Variants in MIER2 observed in about 807,000 individuals in gnomAD.
MIER2 encodes the protein mesoderm induction early response protein 2.
In MIER2, 30 loss-of-function variants were observed where a neutral mutation model predicts 67.6. The ratio of observed to expected loss-of-function variants is 0.44; its 90% confidence interval spans 0.33 to 0.60. The LOEUF (loss-of-function observed/expected upper bound fraction) is 0.60. MIER2 is among the 20% of genes least tolerant of loss of function. The probability of loss-of-function intolerance (pLI) is 0.02; values close to 1 mark genes in which losing one functional copy is unlikely to be tolerated. For synonymous variants in MIER2, 372 were observed against 312.6 expected, an observed-to-expected ratio of 1.19 and a Z score of -2.00; for missense variants, 702 against 745.1, an observed-to-expected ratio of 0.94 and a Z score of 0.67.
At position 307,108 on chromosome 19, in the gene MIER2, G is replaced by C; in HGVS notation, c.1616+11C>G. On this transcript the variant is annotated intron_variant, in intron 13 of 13. Transcript: ENST00000264819. The stretch of plus-strand genomic sequence containing the variant: ...GTGTTGCGGAGGCTCCGGGCATGGG[G>C]TGGCACTCACTGTGACAGGGGCTCC... 1 of 1,575,190 alleles carries C rather than the reference G, an allele frequency of 6.3e-7. No homozygotes were observed. Among genetic ancestry groups the C allele is most frequent in the East Asian group, 2.3e-5 (1 of 43,182 alleles).
At chr19:323,105 G>C (rs577634490) in intron 7 of MIER2, among the ~76,000 whole-genome samples, 3 of 147,894 alleles carry the variant, frequency 2.0e-5, no homozygotes, top group Admixed American at 6.8e-5. Context: ...CCACGCAGAC[G>C]ACTCGAATGA....
rs781528564 is a variant in MIER2 at position 308,588 on chromosome 19, C to A, written c.1187G>T (p.Gly396Val). The A allele has an allele frequency of 2.5e-6, 4 of 1,604,312 alleles. No individual in the cohort carries two copies. In the African/African-American group the frequency reaches 5.3e-5, roughly 21 times the overall value. The change falls in exon 12 of 14, where the codon GGG (glycine) becomes GTG (valine). Residue 396 changes from glycine to valine, a missense_variant. Gly to Val is a moderately radical substitution (Grantham distance 109). Coordinates refer to ENST00000264819, the MANE Select transcript of MIER2 (RefSeq NM_017550.3). This position sits in a 1 kb window ranked among gnomAD's most constrained non-coding sequence, Gnocchi z 9.1. ...TCCCCAAGCCTCACCTGTGCGCATCCCAGTCAGGGTGTCTTGCTCCGGGCG... is the reference window on the plus strand; with the variant it reads ...TCCCCAAGCCTCACCTGTGCGCATCACAGTCAGGGTGTCTTGCTCCGGGCG... ...RPRPEQDTLT[G>V]MRTDPLSVDG...
At chr19:309,420 C>T (rs745776691) in intron 10 of MIER2, among the ~76,000 whole-genome samples, 40 of 152,240 alleles carry the variant, frequency 2.6e-4, no homozygotes, top group Middle Eastern at 3.4e-3. Context: ...GCTTTCCCAC[C>T]GAACACATCC....
rs112462767 is a variant in MIER2, at chr19:307,312, C to A, written c.1423G>T (p.Ala475Ser). 4 of 1,600,192 alleles carry A rather than the reference C, an allele frequency of 2.5e-6. No homozygotes were observed. The highest frequency in any genetic ancestry group is 3.4e-6 in the Non-Finnish European group (4 of 1,174,158). ...DASPRLAVDFALPKELPLISS... is the reference protein window; with the variant it reads ...DASPRLAVDFSLPKELPLISS... The stretch of plus-strand genomic sequence containing the variant: ...ATGAGGGGCAGCTCCTTGGGCAGGG[C>A]GAAGTCCACGGCCAGCCTTGGGCTG... Residue 475 changes from alanine to serine, a missense_variant, in exon 13 of 14, where the codon GCC becomes TCC. By Grantham distance (99) the Ala-to-Ser change is moderately conservative. Transcript: ENST00000264819.
intron 7 of MIER2, among the ~76,000 whole-genome samples, chr19:315,251 GC>G (rs1568220854): frequency 6.6e-6 from 1 of 152,014 alleles, no homozygotes; most frequent in Non-Finnish European, 1.5e-5. Flanking sequence ...TGTAATCTCC[GC>G]TACTCGGGAG....
chr19:326,292 G>T (rs751633994), intron 6 of MIER2, among the ~76,000 whole-genome samples: 1 of 150,260 alleles, frequency 6.7e-6, no homozygotes, highest in African/African-American at 2.5e-5. Flanking sequence ...ACCACAGTCC[G>T]GATGCCAGGT....
intron 7 of MIER2, among the ~76,000 whole-genome samples, chr19:322,548 G>C (rs1200005221): frequency 1.3e-5 from 2 of 152,108 alleles, no homozygotes; most frequent in East Asian, 1.9e-4. Flanking sequence ...AGCACGCAAA[G>C]AGAGAATATC....
chr19:307,063 G>C, intron 13 of MIER2, 56 bp downstream of exon 13: 1 of 1,515,214 alleles, frequency 6.6e-7, no homozygotes. Flanking sequence ...CAGCCTGAGG[G>C]CTGGGGGGAC....
At chr19:326,071 G>T (rs1332572877) in intron 6 of MIER2, among the ~76,000 whole-genome samples, 1 of 152,248 alleles carries the variant, frequency 6.6e-6, no homozygotes, top group Non-Finnish European at 1.5e-5. Flanking sequence ...ACAAACCCAG[G>T]GAGAGGGCTC....
At chr19:338,170 CAAAAAAAAA>C (rs34351754) in intron 1 of MIER2, among the ~76,000 whole-genome samples, 2 of 76,858 alleles carry the variant, frequency 2.6e-5, no homozygotes, top group Non-Finnish European at 5.2e-5. Flanking sequence ...GACTCCATCT[CAAAAAAAAA>C]AAAAAAAAAA....
At chr19:318,883 C>G (rs893299198) in intron 7 of MIER2, among the ~76,000 whole-genome samples, 1 of 151,930 alleles carries the variant, frequency 6.6e-6, no homozygotes, top group Non-Finnish European at 1.5e-5. Flanking sequence ...AGTGAAACCC[C>G]GTCTCTACTA....
At chr19:321,394 C>T (rs868279551) in intron 7 of MIER2, among the ~76,000 whole-genome samples, 2 of 152,152 alleles carry the variant, frequency 1.3e-5, no homozygotes, top group Admixed American at 6.5e-5. Context: ...CCTGTAATCC[C>T]GGCACTTTGG....
chr19:319,223 G>A (rs1228006137), intron 7 of MIER2, among the ~76,000 whole-genome samples: 3 of 151,918 alleles, frequency 2.0e-5, no homozygotes, highest in South Asian at 2.1e-4. Flanking sequence ...TTAGCTAGGC[G>A]TGGTGGCGGG....
chr19:340,148 G>A (rs1972437543), intron 1 of MIER2, among the ~76,000 whole-genome samples: 1 of 152,220 alleles, frequency 6.6e-6, no homozygotes, highest in Admixed American at 6.5e-5. Context: ...CAAAGAGATA[G>A]AGTCAGTTAC....
At chr19:307,941 G>T (rs1243729887) in intron 12 of MIER2, among the ~76,000 whole-genome samples, 1 of 127,138 alleles carries the variant, frequency 7.9e-6, no homozygotes, top group Non-Finnish European at 1.7e-5. Context: ...AGCGCAAGGG[G>T]CCTCACCACA....
At chr19:318,173 C>G (rs1284273964) in intron 7 of MIER2, among the ~76,000 whole-genome samples, 1 of 152,154 alleles carries the variant, frequency 6.6e-6, no homozygotes, top group Non-Finnish European at 1.5e-5. Context: ...CAATGCACTC[C>G]AGAGACTCCG....
At chr19:343,990 T>A in intron 1 of MIER2, 1 of 985,468 alleles carries the variant, frequency 1.0e-6, no homozygotes, top group Non-Finnish European at 1.2e-6. Context: ...TGATCAAACA[T>A]CACAGTCCAA....
At chr19:326,918 A>C (rs1039846222) in intron 5 of MIER2, 23 of 629,784 alleles carry the variant, frequency 3.7e-5, no homozygotes, top group Non-Finnish European at 2.6e-6. Context: ...CATGTTCCCT[A>C]CTTGTTTAAA....
At chr19:317,108 C>CA (rs1432648833) in intron 7 of MIER2, among the ~76,000 whole-genome samples, 1 of 152,090 alleles carries the variant, frequency 6.6e-6, no homozygotes, top group Non-Finnish European at 1.5e-5. Flanking sequence ...AAAAAACAAA[C>CA]AACAGGCCAG....
Sources: gnomAD v4.1 joint callset for allele counts (sites outside exome capture counted in the v4.1 genomes callset) on GRCh38, gnomAD v4.1.1 for gene constraint, Gnocchi (gnomAD v3.1) non-coding constraint, MANE v1.5 for transcripts, NCBI Gene and HGNC (gene_info 2026-07-23, HGNC 2026-07-21) for gene names.